The following EXD1 variants were observed in gnomAD, a reference collection of about 807,000 sequenced individuals.
EXD1 encodes the protein piRNA biogenesis protein EXD1.
Under a neutral mutation model 49.1 loss-of-function variants are expected in EXD1, and 63 were observed. That is an observed-to-expected ratio of 1.28 (90% CI 1.05 to 1.58). The LOEUF is 1.58. EXD1 is among the 40% of genes most tolerant of loss of function. EXD1 has a pLI of 0.00. For missense variants in EXD1, 748 were observed against 666.0 expected (o/e 1.12, Z -1.36); for synonymous variants, 234 against 239.2 (o/e 0.98, Z 0.20).
rs2046479191 is a variant in EXD1, at chr15:41,189,951, G to A, written c.1042C>T (p.Leu348Phe). ...NTYREGSADR[L>F]GGTEPTCMEL... ...GCTGCACCTACCTCAGTGCCTCCAA[G>A]CCGGTCTGCAGACCCTTCGCGATAC... Residue 348 changes from leucine to phenylalanine, a missense_variant, in exon 11 of 12, where the codon CTT (leucine) becomes TTT (phenylalanine). Physicochemically the swap from Leu to Phe is conservative, Grantham distance 22 (BLOSUM62 0). Coordinates refer to ENST00000458580, the MANE Select transcript of EXD1 (RefSeq NM_001286441.2). 3.1e-6 allele frequency: 5 copies of A among 1,613,964 alleles called. No homozygotes were observed. The highest frequency in any genetic ancestry group is 1.7e-5 in the Admixed American group (1 of 59,986).
intron 6 of EXD1, among the ~76,000 whole-genome samples, chr15:41,211,950 C>G (rs2046927475): frequency 6.6e-6 from 1 of 151,910 alleles, no homozygotes; most frequent in South Asian, 2.1e-4. Flanking sequence ...GGCTACTAAG[C>G]GAGACTCTGT....
intron 10 of EXD1, 30 bp from the exon 11 acceptor site, chr15:41,190,158 C>CT: frequency 1.2e-6 from 2 of 1,610,384 alleles, no homozygotes; most frequent in Middle Eastern, 1.7e-4. Flanking sequence ...TTCCTCTGAA[C>CT]AGTAAGCAAG....
At chr15:41,210,012 A>C (rs1182607360) in intron 6 of EXD1, among the ~76,000 whole-genome samples, 2 of 152,144 alleles carry the variant, frequency 1.3e-5, no homozygotes, top group African/African-American at 4.8e-5. Context: ...GATCAAGAGA[A>C]TCAAGTGATT....
intron 7 of EXD1, among the ~76,000 whole-genome samples, chr15:41,199,714 AT>A (rs2140848339): frequency 6.5e-5 from 1 of 15,320 alleles, no homozygotes; most frequent in Non-Finnish European, 1.3e-4. Flanking sequence ...TATCATATAT[AT>A]GATATATTAT....
chr15:41,190,702 C>T (rs1191716364), intron 10 of EXD1, among the ~76,000 whole-genome samples: 2 of 152,068 alleles, frequency 1.3e-5, no homozygotes, highest in African/African-American at 4.8e-5. Context: ...AGGCAGCAAA[C>T]TTGATTATGT....
At chr15:41,198,647 C>T (rs1485105858) in intron 7 of EXD1, among the ~76,000 whole-genome samples, 1 of 151,964 alleles carries the variant, frequency 6.6e-6, no homozygotes, top group African/African-American at 2.4e-5. Flanking sequence ...CGTGTTTGCA[C>T]CACTGCACTC....
At position 41,217,122 on chromosome 15, in the gene EXD1, C is replaced by A; in HGVS notation, c.235G>T (p.Val79Leu). 1.9e-6 allele frequency: 3 copies of A among 1,612,488 alleles called. No individual in the cohort carries two copies. Among genetic ancestry groups the A allele is most frequent in the Non-Finnish European group, 2.5e-6 (3 of 1,179,902 alleles). The change falls in exon 4 of 12, where the codon GTG becomes TTG. Residue 79 changes from valine to leucine, a missense_variant. Physicochemically the swap from Val to Leu is conservative, Grantham distance 32. Transcript: ENST00000458580. ...CTAACAGAAGATGCTTTTGCTCTCA[C>A]TGAGCCTTGTTCCACTTCATCTAGT... ...ELLDEVEQGSVRAKASSVSLH... is the reference protein window; with the variant it reads ...ELLDEVEQGSLRAKASSVSLH...
At chr15:41,204,519 C>T (rs147596684) in intron 7 of EXD1, among the ~76,000 whole-genome samples, 2 of 152,196 alleles carry the variant, frequency 1.3e-5, no homozygotes, top group African/African-American at 4.8e-5. Context: ...CCACTGCACT[C>T]CAGCCTTGGC....
chr15:41,222,709 C>T (rs1271442463), intron 2 of EXD1, among the ~76,000 whole-genome samples: 6 of 145,204 alleles, frequency 4.1e-5, no homozygotes, highest in East Asian at 4.1e-4. Flanking sequence ...GAGGCTGAGG[C>T]GGAAGGATCA....
chr15:41,192,836 C>T (rs1165723431), intron 9 of EXD1, among the ~76,000 whole-genome samples: 1 of 147,510 alleles, frequency 6.8e-6, no homozygotes, highest in African/African-American at 2.5e-5. Flanking sequence ...CGTTCTGTCG[C>T]CCAGGCGGGA....
chr15:41,200,568 TTC>T (rs1482901028), intron 7 of EXD1, among the ~76,000 whole-genome samples: 3 of 152,230 alleles, frequency 2.0e-5, no homozygotes, highest in African/African-American at 7.2e-5. Flanking sequence ...AGTAAAATGT[TTC>T]TCTGAGTTCT....
intron 7 of EXD1, among the ~76,000 whole-genome samples, chr15:41,206,823 C>T (rs1219103376): frequency 2.7e-5 from 4 of 145,652 alleles, no homozygotes; most frequent in South Asian, 4.5e-4. Flanking sequence ...GGTTTCACCA[C>T]GTTGGCCAGG....
At chr15:41,220,838 CTTAT>C (rs1248910385) in intron 2 of EXD1, among the ~76,000 whole-genome samples, 1 of 152,174 alleles carries the variant, frequency 6.6e-6, no homozygotes, top group Non-Finnish European at 1.5e-5. Context: ...TCACCAACAA[CTTAT>C]TTGTCACATC....
intron 11 of EXD1, among the ~76,000 whole-genome samples, chr15:41,188,581 C>T (rs146173423): frequency 6.9e-4 from 104 of 151,802 alleles, no homozygotes; most frequent in Non-Finnish European, 1.3e-3. Context: ...TTTGTAGAGA[C>T]GGGGTTTCAC....
At chr15:41,212,383 A>G (rs1281160067) in intron 6 of EXD1, among the ~76,000 whole-genome samples, 1 of 152,030 alleles carries the variant, frequency 6.6e-6, no homozygotes, top group African/African-American at 2.4e-5. Context: ...TGAACCCGGG[A>G]GGCAGAGCTT....
intron 6 of EXD1, among the ~76,000 whole-genome samples, chr15:41,213,402 T>C (rs747940307): frequency 3.3e-5 from 5 of 151,852 alleles, no homozygotes; most frequent in African/African-American, 9.7e-5. Flanking sequence ...GTGTTCACCA[T>C]GTTGGTCGGG....
chr15:41,204,749 T>C (rs1444892704), intron 7 of EXD1, among the ~76,000 whole-genome samples: 1 of 152,056 alleles, frequency 6.6e-6, no homozygotes, highest in Non-Finnish European at 1.5e-5. Flanking sequence ...TACTTGTATA[T>C]ATACATACAC....
At chr15:41,230,048 G>T (rs1351414426) in intron 1 of EXD1, among the ~76,000 whole-genome samples, 1 of 151,224 alleles carries the variant, frequency 6.6e-6, no homozygotes. Context: ...TGGTTCACCT[G>T]AGAGTAGGCA....
At chr15:41,203,714 C>G (rs554280141) in intron 7 of EXD1, among the ~76,000 whole-genome samples, 3 of 149,980 alleles carry the variant, frequency 2.0e-5, no homozygotes, top group Admixed American at 6.7e-5. Flanking sequence ...TTCAGGAGTT[C>G]GACACCAGCC....
Sources: allele counts gnomAD v4.1 joint callset (sites outside exome capture counted in the v4.1 genomes callset), GRCh38; gene constraint gnomAD v4.1.1; transcripts MANE v1.5; gene names NCBI Gene and HGNC (gene_info 2026-07-23, HGNC 2026-07-21).